Variants in TXNDC16 observed in about 807,000 individuals in gnomAD.
TXNDC16 encodes thioredoxin domain containing 16, also known as thioredoxin domain-containing protein 16.
Under a neutral mutation model 85.6 loss-of-function variants are expected in TXNDC16, and 74 were observed. The ratio of observed to expected loss-of-function variants is 0.86; its 90% CI spans 0.72 to 1.05. The LOEUF is 1.05. Ranked by LOEUF, TXNDC16 falls within the 50% of genes least tolerant of loss-of-function variation. The probability of loss-of-function intolerance (pLI) is 0.00; values close to 1 mark genes in which losing one functional copy is unlikely to be tolerated. For missense variants in TXNDC16, 959 were observed against 947.0 expected, an observed-to-expected ratio of 1.01 and a Z score of -0.17; for synonymous variants, 335 against 326.5, an observed-to-expected ratio of 1.03 and a Z score of -0.28.
chr14:52,540,630 A>C (rs902445375), intron 4 of TXNDC16, among the ~76,000 whole-genome samples: 2 of 152,130 alleles, frequency 1.3e-5, no homozygotes, highest in Non-Finnish European at 2.9e-5. Context: ...GTCTCAAAAA[A>C]AAGAAGAAAA....
At chr14:52,501,367 T>G (rs1199483229) in intron 9 of TXNDC16, among the ~76,000 whole-genome samples, 3 of 152,176 alleles carry the variant, frequency 2.0e-5, no homozygotes, top group African/African-American at 7.2e-5. Flanking sequence ...TCAGACACAA[T>G]GCCGTTTACA....
chr14:52,511,321 T>C lies in TXNDC16; in HGVS notation c.675A>G (p.Gln225=), dbSNP rs781194908. The change falls in exon 9 of 21, where the codon CAA becomes CAG. Residue 225 remains glutamine (Q), a synonymous_variant. Coordinates refer to ENST00000281741, the MANE Select transcript of TXNDC16 (RefSeq NM_020784.3). ...HCKLVLDLTQ[Q]CRRTLMEQPL... The stretch of plus-strand genomic sequence containing the variant: ...GCTGTTCCATTAGTGTTCTTCTACA[T>C]TGCTGGGTCAAGTCCAAGACTAGTT... The C allele has an allele frequency of 3.3e-5, 53 of 1,608,776 alleles. No homozygotes were observed. The South Asian group carries it at 5.6e-4, about 17-fold the overall frequency.
intron 18 of TXNDC16, among the ~76,000 whole-genome samples, chr14:52,444,334 TA>T (rs2035232408): frequency 6.6e-6 from 1 of 152,160 alleles, no homozygotes; most frequent in Non-Finnish European, 1.5e-5. Context: ...GAAACAGTCT[TA>T]AATATATCAA....
rs1238048183 is a variant in TXNDC16, at chr14:52,530,222, TATA to T, written c.392+6494_392+6496del. On this transcript the variant is annotated intron_variant, in intron 6 of 20. Coordinates refer to ENST00000281741, the MANE Select transcript of TXNDC16 (RefSeq NM_020784.3). ...ATATATTATATTATACAGAATAATATATAATATTACATATAATAATATATAATA... is the reference window on the plus strand; with the variant it reads ...ATATATTATATTATACAGAATAATATATATTACATATAATAATATATAATA... Among the ~76,000 whole-genome samples, 176 of 76,426 alleles carry T rather than the reference TATA, an allele frequency of 2.3e-3. 2 individuals are homozygous for T. The highest frequency in any genetic ancestry group is 0.016 in the Middle Eastern group (1 of 64). 50.1% of individuals were successfully genotyped at this position (76,426 alleles called of 152,430 possible). A position where few individuals can be genotyped will look rare whatever the true frequency, so the allele number is the denominator to read the frequency against.
intron 12 of TXNDC16, 110 bp downstream of exon 12, chr14:52,488,253 A>G: frequency 7.5e-7 from 1 of 1,334,430 alleles, no homozygotes; most frequent in South Asian, 1.3e-5. Flanking sequence ...GTTTCTTTAC[A>G]GAGTCTTGAA....
chr14:52,552,148 A>G (rs1287839265), intron 1 of TXNDC16, among the ~76,000 whole-genome samples, 168 bp downstream of exon 1: 2 of 152,162 alleles, frequency 1.3e-5, no homozygotes, highest in Admixed American at 1.3e-4. Context: ...AGAAAGCAAA[A>G]TGCCCTCAGG....
At chr14:52,505,749 C>G (rs1287854734) in intron 9 of TXNDC16, among the ~76,000 whole-genome samples, 1 of 151,894 alleles carries the variant, frequency 6.6e-6, no homozygotes, top group Admixed American at 6.6e-5. Flanking sequence ...GAGAGAGACA[C>G]AAAAAACCCT....
intron 1 of TXNDC16, among the ~76,000 whole-genome samples, chr14:52,549,888 T>C (rs1298077529): frequency 1.3e-5 from 2 of 152,238 alleles, no homozygotes; most frequent in East Asian, 3.9e-4. Context: ...CTGCCCACCT[T>C]GGCTTCCCAA....
At chr14:52,530,304 A>T (rs1421955297) in intron 6 of TXNDC16, among the ~76,000 whole-genome samples, 1 of 50,740 alleles carries the variant, frequency 2.0e-5, no homozygotes, top group Admixed American at 3.7e-4. Flanking sequence ...ATATAATATT[A>T]ATATATAATA....
At chr14:52,449,932 C>A (rs2035369446) in intron 18 of TXNDC16, among the ~76,000 whole-genome samples, 2 of 151,786 alleles carry the variant, frequency 1.3e-5, no homozygotes, top group African/African-American at 4.8e-5. Flanking sequence ...TTGGGATACA[C>A]TGAAAGCAGT....
chr14:52,548,878 G>A (rs528266766), intron 1 of TXNDC16, among the ~76,000 whole-genome samples: 30 of 152,152 alleles, frequency 2.0e-4, no homozygotes, highest in Admixed American at 9.8e-4. Flanking sequence ...GCAAAACTCC[G>A]TCTCAGAAAA....
At chr14:52,551,108 A>G (rs2038034689) in intron 1 of TXNDC16, among the ~76,000 whole-genome samples, 1 of 152,146 alleles carries the variant, frequency 6.6e-6, no homozygotes, top group Admixed American at 6.5e-5. Context: ...CTGTACATCT[A>G]CCACAGTTTG....
intron 18 of TXNDC16, among the ~76,000 whole-genome samples, chr14:52,454,880 A>G (rs370322375): frequency 6.6e-6 from 1 of 152,178 alleles, no homozygotes; most frequent in Non-Finnish European, 1.5e-5. Context: ...AATAATATAC[A>G]CAAAGCACTA....
chr14:52,457,245 A>G (rs569908936), intron 16 of TXNDC16, 71 bp from the exon 17 acceptor site: 2 of 784,712 alleles, frequency 2.5e-6, no homozygotes, highest in Non-Finnish European at 4.0e-6. Context: ...TGATGAAGAG[A>G]TTTATAGGTG....
intron 6 of TXNDC16, among the ~76,000 whole-genome samples, chr14:52,535,162 G>A (rs535597200): frequency 3.3e-5 from 5 of 152,194 alleles, no homozygotes; most frequent in South Asian, 2.1e-4. Context: ...GGTATCCACC[G>A]GAAAAACAGC....
intron 9 of TXNDC16, among the ~76,000 whole-genome samples, chr14:52,496,755 G>A (rs551302346): frequency 5.9e-5 from 9 of 151,898 alleles, no homozygotes; most frequent in African/African-American, 2.2e-4. Context: ...GACTACAGGT[G>A]CATACCATCA....
rs770095439 is a variant in TXNDC16, at chr14:52,536,714, C to T, written c.392+5G>A. 1.9e-6 allele frequency: 3 copies of T among 1,605,960 alleles called. No individual in the cohort carries two copies. Among genetic ancestry groups the T allele is most frequent in the Non-Finnish European group, 2.6e-6 (3 of 1,175,066 alleles). ...AACAAATGAATGTGTAGCCCCTGTA[C>T]TTACAAGAGAACATGGGCGACAATG... On this transcript the variant is annotated splice_donor_5th_base_variant and intron_variant, in intron 6 of 20. Transcript: ENST00000281741.
At chr14:52,548,880 C>T (rs928681481) in intron 1 of TXNDC16, among the ~76,000 whole-genome samples, 3 of 152,084 alleles carry the variant, frequency 2.0e-5, no homozygotes, top group African/African-American at 7.2e-5. Flanking sequence ...AAAACTCCGT[C>T]TCAGAAAAAA....
chr14:52,550,840 C>A (rs2038027529), intron 1 of TXNDC16, among the ~76,000 whole-genome samples: 1 of 152,136 alleles, frequency 6.6e-6, no homozygotes, highest in Middle Eastern at 3.2e-3. Flanking sequence ...CACATTACTG[C>A]AATCAATTAC....
Sources: allele counts gnomAD v4.1 joint callset (sites outside exome capture counted in the v4.1 genomes callset), GRCh38; gene constraint gnomAD v4.1.1; transcripts MANE v1.5; gene names NCBI Gene and HGNC (gene_info 2026-07-23, HGNC 2026-07-21).